Variants in ATXN2 observed in about 807,000 individuals in gnomAD.
The protein encoded by ATXN2 is ataxin 2, also known as ataxin-2.
ATXN2 carries 37 observed loss-of-function variants against 138.6 expected under a neutral mutation model. That is an observed-to-expected ratio of 0.27 (90% CI 0.21 to 0.35). The LOEUF is 0.35. ATXN2 is among the 10% of genes least tolerant of loss of function. The pLI, the probability that ATXN2 is intolerant of heterozygous loss-of-function variation, is 1.00. For synonymous variants in ATXN2, 549 were observed against 543.7 expected, an observed-to-expected ratio of 1.01 and a Z score of -0.13; for missense variants, 1,216 against 1,480.3, an observed-to-expected ratio of 0.82 and a Z score of 2.93.
At chr12:111,495,842 CA>C (rs1392553987) in intron 14 of ATXN2, among the ~76,000 whole-genome samples, 1 of 152,104 alleles carries the variant, frequency 6.6e-6, no homozygotes, top group African/African-American at 2.4e-5. Context: ...TGTTAAGCCA[CA>C]AAACAAGTCT....
At chr12:111,533,389 G>A (rs910270106) in intron 5 of ATXN2, among the ~76,000 whole-genome samples, 1 of 152,028 alleles carries the variant, frequency 6.6e-6, no homozygotes, top group African/African-American at 2.4e-5. Flanking sequence ...TAAACCTCTA[G>A]GTTACCTATA....
At chr12:111,490,556 C>A (rs1416690520) in intron 14 of ATXN2, among the ~76,000 whole-genome samples, 1 of 152,262 alleles carries the variant, frequency 6.6e-6, no homozygotes, top group East Asian at 1.9e-4. Flanking sequence ...AGAGACAGAG[C>A]ATGGTGGCCA....
chr12:111,471,043 T>C, intron 18 of ATXN2: 1 of 318,306 alleles, frequency 3.1e-6, no homozygotes, highest in Non-Finnish European at 6.0e-6. Context: ...ATCAAGTCCC[T>C]GTAACAGACT....
chr12:111,548,120 G>T (rs975986893), intron 5 of ATXN2, among the ~76,000 whole-genome samples: 1 of 151,916 alleles, frequency 6.6e-6, no homozygotes, highest in East Asian at 1.9e-4. Flanking sequence ...TTGAACCCAG[G>T]AGGTGGAGGT....
chr12:111,532,558 C>T (rs907911148), intron 5 of ATXN2, among the ~76,000 whole-genome samples: 2 of 152,134 alleles, frequency 1.3e-5, no homozygotes, highest in Non-Finnish European at 2.9e-5. Flanking sequence ...TCTATAGGTG[C>T]TTAAGTCATA....
intron 20 of ATXN2, chr12:111,468,460 A>C (rs1183267198): frequency 6.6e-6 from 1 of 152,246 alleles, no homozygotes; most frequent in Admixed American, 6.5e-5. Flanking sequence ...TATAAAACTA[A>C]ACACCTTTGA....
intron 5 of ATXN2, among the ~76,000 whole-genome samples, chr12:111,537,787 A>G (rs1000106179): frequency 1.3e-5 from 2 of 151,932 alleles, no homozygotes; most frequent in Non-Finnish European, 2.9e-5. Flanking sequence ...ATGGTTGCAC[A>G]ATGCTGTGAA....
chr12:111,546,253 C>T (rs956370497), intron 5 of ATXN2, among the ~76,000 whole-genome samples: 1 of 152,250 alleles, frequency 6.6e-6, no homozygotes, highest in East Asian at 1.9e-4. Flanking sequence ...GCCAGTATAG[C>T]ATGTATTTTT....
At chr12:111,474,797 C>T (rs1370578743) in intron 18 of ATXN2, among the ~76,000 whole-genome samples, 3 of 152,114 alleles carry the variant, frequency 2.0e-5, no homozygotes, top group Non-Finnish European at 4.4e-5. Flanking sequence ...AAAAAGTTAC[C>T]GCAAGGCTGA....
At chr12:111,476,051 A>C (rs1273772462) in intron 18 of ATXN2, among the ~76,000 whole-genome samples, 1 of 152,216 alleles carries the variant, frequency 6.6e-6, no homozygotes, top group Non-Finnish European at 1.5e-5. Context: ...TACTGGGCTC[A>C]AGCAATTCTC....
intron 1 of ATXN2, among the ~76,000 whole-genome samples, chr12:111,566,175 G>A: frequency 6.6e-6 from 1 of 152,136 alleles, no homozygotes; most frequent in Admixed American, 6.5e-5. Context: ...GCTCACGCCT[G>A]TAATCTCAAC....
rs762027899 is a variant in ATXN2 at position 111,568,987 on chromosome 12, G to GT, written c.252-13069dup. Among the ~76,000 whole-genome samples the GT allele has an allele frequency of 3.3e-4, 37 of 111,186 alleles. 1 individual carries two copies. In the South Asian group the frequency reaches 9.9e-3, roughly 30 times the overall value. The allele number at this position is 111,186 out of a possible 152,430, so 72.9% of individuals were successfully genotyped here. Reference sequence around the variant, plus strand: ...ACAACCCAAACACAGTGAAGCTAGAGTTTTTTTTGTTTTGTTTTGTTTTGT... The same window carrying GT: ...ACAACCCAAACACAGTGAAGCTAGAGTTTTTTTTTGTTTTGTTTTGTTTTGT... On this transcript the variant is annotated intron_variant, in intron 1 of 24. Transcript: ENST00000673436.
chr12:111,527,649 A>G (rs1880571942), intron 5 of ATXN2, among the ~76,000 whole-genome samples: 1 of 152,194 alleles, frequency 6.6e-6, no homozygotes, highest in African/African-American at 2.4e-5. Context: ...AGCAATTCTA[A>G]GAGCCAAGAG....
chr12:111,566,917 C>A (rs1883045987), intron 1 of ATXN2, among the ~76,000 whole-genome samples: 1 of 152,172 alleles, frequency 6.6e-6, no homozygotes, highest in Non-Finnish European at 1.5e-5. Context: ...GGATTACAGG[C>A]ATGAGCCACC....
chr12:111,598,624 C>T lies in ATXN2; in HGVS notation c.251+160G>A. ...AGAGGACCCCGGCTGCGCCCACCGGCCGAGCCTCGGGGCTCAGGCCCGAGC... is the reference window on the plus strand; with the variant it reads ...AGAGGACCCCGGCTGCGCCCACCGGTCGAGCCTCGGGGCTCAGGCCCGAGC... On this transcript the variant is annotated intron_variant, in intron 1 of 24. Coordinates refer to ENST00000673436, the MANE Select transcript of ATXN2 (RefSeq NM_001372574.1). The surrounding 1 kb of genome is among the most constrained non-coding windows in gnomAD (Gnocchi z 4.5). 2.1e-6 allele frequency: 2 copies of T among 954,892 alleles called. No homozygotes were observed. Among genetic ancestry groups the T allele is most frequent in the Non-Finnish European group, 2.5e-6 (2 of 800,622 alleles). The allele number at this position is 954,892 out of a possible 1,614,324, so 59.2% of individuals were successfully genotyped here. A position where few individuals can be genotyped will look rare whatever the true frequency, so the allele number is the denominator to read the frequency against.
At chr12:111,495,980 CA>C (rs142965624) in intron 14 of ATXN2, among the ~76,000 whole-genome samples, 190 of 133,590 alleles carry the variant, frequency 1.4e-3, no homozygotes, top group Admixed American at 1.8e-3. Context: ...CCCATCTCTA[CA>C]AAAAAAAAAA....
At chr12:111,574,170 T>C (rs1021202447) in intron 1 of ATXN2, among the ~76,000 whole-genome samples, 1 of 151,238 alleles carries the variant, frequency 6.6e-6, no homozygotes, top group Admixed American at 6.6e-5. Flanking sequence ...TAGCCGGGCG[T>C]GGTGGCGGGC....
intron 1 of ATXN2, among the ~76,000 whole-genome samples, chr12:111,597,584 T>C (rs1183823252): frequency 6.6e-6 from 1 of 152,140 alleles, no homozygotes; most frequent in Non-Finnish European, 1.5e-5. Context: ...ACTAAGCATT[T>C]TCTTAGTTCG....
chr12:111,586,537 C>A lies in ATXN2; in HGVS notation c.251+12247G>T, dbSNP rs1884350939. On this transcript the variant is annotated intron_variant, in intron 1 of 24. Transcript: ENST00000673436. Reference sequence around the variant, plus strand: ...AGTAGCTGGGACTACAGGCACACATCACCACGCCCATTTAATTTTTTTGTA... The same window carrying A: ...AGTAGCTGGGACTACAGGCACACATAACCACGCCCATTTAATTTTTTTGTA... Among the ~76,000 whole-genome samples, 5 of 152,078 alleles carry A rather than the reference C, an allele frequency of 3.3e-5. No homozygotes were observed. The South Asian group carries it at 1.0e-3, about 32-fold the overall frequency.
Sources: allele counts gnomAD v4.1 joint callset (sites outside exome capture counted in the v4.1 genomes callset), GRCh38; gene constraint gnomAD v4.1.1; non-coding constraint Gnocchi (gnomAD v3.1); transcripts MANE v1.5; gene names NCBI Gene and HGNC (gene_info 2026-07-23, HGNC 2026-07-21).